TDRD12: variants seen among roughly 807,000 people sequenced by gnomAD.
TDRD12 encodes putative ATP-dependent RNA helicase TDRD12.
A neutral mutation model predicts 133.5 loss-of-function variants in TDRD12; 158 were observed. That is an observed-to-expected ratio of 1.18 (90% CI 1.04 to 1.35). The LOEUF is 1.35. TDRD12 is among the 40% of genes most tolerant of loss of function. The probability of loss-of-function intolerance (pLI) is 0.00; values close to 1 mark genes in which losing one functional copy is unlikely to be tolerated. For synonymous variants in TDRD12, 460 were observed against 477.9 expected (o/e 0.96, Z 0.49); for missense variants, 1,443 against 1,321.3 (o/e 1.09, Z -1.43).
intron 2 of TDRD12, among the ~76,000 whole-genome samples, chr19:32,733,371 G>A (rs1969119990): frequency 6.6e-6 from 1 of 151,836 alleles, no homozygotes; most frequent in South Asian, 2.1e-4. Flanking sequence ...TAGAGAGGCT[G>A]AGGCAAGAGA....
chr19:32,780,084 C>CTTTT (rs11395360), intron 11 of TDRD12, among the ~76,000 whole-genome samples: 8 of 127,768 alleles, frequency 6.3e-5, no homozygotes, highest in African/African-American at 8.8e-5. Context: ...TTTTTCTTTT[C>CTTTT]TTTTTTTTTT....
chr19:32,762,642 A>G (rs142804460), intron 8 of TDRD12, among the ~76,000 whole-genome samples: 4 of 152,330 alleles, frequency 2.6e-5, no homozygotes, highest in African/African-American at 9.6e-5. Flanking sequence ...CAGCGGGGCC[A>G]AGAAGGTGCT....
At chr19:32,785,638 A>G (rs112271756) in intron 11 of TDRD12, among the ~76,000 whole-genome samples, 16,276 of 151,336 alleles carry the variant, frequency 0.11, 1,091 homozygotes, top group Middle Eastern at 0.17. Flanking sequence ...TTATGAATCT[A>G]GTTAGCTCTT....
intron 4 of TDRD12, among the ~76,000 whole-genome samples, chr19:32,747,090 C>T (rs1969673811): frequency 6.7e-6 from 1 of 149,142 alleles, no homozygotes; most frequent in African/African-American, 2.5e-5. Flanking sequence ...GAGTGACTGG[C>T]TGATGGGGTT....
chr19:32,800,857 C>G (rs569004718), intron 18 of TDRD12, 85 bp downstream of exon 18: 2 of 1,340,984 alleles, frequency 1.5e-6, no homozygotes, highest in South Asian at 3.4e-5. Context: ...GGGTGGTTGA[C>G]TCTGTGGCAG....
At chr19:32,795,923 C>T (rs1324244598) in intron 14 of TDRD12, among the ~76,000 whole-genome samples, 1 of 152,158 alleles carries the variant, frequency 6.6e-6, no homozygotes, top group Admixed American at 6.5e-5. Context: ...ACAGTGCTAA[C>T]CCATTCATGA....
At chr19:32,823,665 C>G (rs1399119450), downstream of TDRD12, among the ~76,000 whole-genome samples, 1 of 152,188 alleles carries the variant, frequency 6.6e-6, no homozygotes, top group East Asian at 1.9e-4. Context: ...CGGGGGGCAG[C>G]TGGTTTCGCT....
At chr19:32,750,916 G>A (rs1359785218) in intron 6 of TDRD12, among the ~76,000 whole-genome samples, 1 of 152,236 alleles carries the variant, frequency 6.6e-6, no homozygotes, top group East Asian at 1.9e-4. Context: ...TATGACGTCA[G>A]TATGTCTAAT....
At chr19:32,781,071 T>C (rs908603451) in intron 11 of TDRD12, among the ~76,000 whole-genome samples, 4 of 151,820 alleles carry the variant, frequency 2.6e-5, no homozygotes, top group African/African-American at 7.2e-5. Context: ...GCCTCCCAAG[T>C]AGCTGGGGCT....
At chr19:32,737,851 G>T (rs1248171773) in intron 2 of TDRD12, among the ~76,000 whole-genome samples, 3 of 152,202 alleles carry the variant, frequency 2.0e-5, no homozygotes, top group Admixed American at 2.0e-4. Context: ...GTCATGGGGA[G>T]GCTGGGTGCG....
intron 2 of TDRD12, 44 bp downstream of exon 2, chr19:32,731,927 A>G: frequency 6.8e-7 from 1 of 1,466,810 alleles, no homozygotes; most frequent in East Asian, 2.5e-5. Context: ...TTGAAACACC[A>G]CTCAAAATAT....
At chr19:32,802,161 A>G (rs1971411000) in intron 19 of TDRD12, among the ~76,000 whole-genome samples, 2 of 142,500 alleles carry the variant, frequency 1.4e-5, no homozygotes, top group African/African-American at 5.3e-5. Context: ...ATATATATAT[A>G]TGATAATATA....
At chr19:32,748,729 A>G (rs1436663846) in intron 5 of TDRD12, among the ~76,000 whole-genome samples, 198 bp downstream of exon 5, 1 of 152,236 alleles carries the variant, frequency 6.6e-6, no homozygotes, top group East Asian at 1.9e-4. Context: ...GATGTCAGTA[A>G]TTGACAGCTG....
At chr19:32,816,743 A>G (rs1367974796) in intron 26 of TDRD12, among the ~76,000 whole-genome samples, 2 of 152,210 alleles carry the variant, frequency 1.3e-5, no homozygotes, top group Non-Finnish European at 2.9e-5. Context: ...AGAGACTGTG[A>G]CAGTCACTCC....
intron 8 of TDRD12, among the ~76,000 whole-genome samples, chr19:32,768,738 C>T (rs1006336833): frequency 1.3e-5 from 2 of 152,116 alleles, no homozygotes; most frequent in Non-Finnish European, 2.9e-5. Context: ...AGCTGTTTCT[C>T]AGCTCTTGAG....
rs548466939 is a variant in TDRD12 at position 32,762,610 on chromosome 19, G to C, written c.865+5480G>C. On this transcript the variant is annotated intron_variant, in intron 8 of 27. Transcript: ENST00000444215. ...TAGCTACCAGGTAAAACTGGTGTTG[G>C]GATTCTAGCAGTGCACCTCAACAGC... Among the ~76,000 whole-genome samples, 12 of 152,292 alleles carry C rather than the reference G, an allele frequency of 7.9e-5. No individual in the cohort carries two copies. In the South Asian group the frequency reaches 2.5e-3, roughly 32 times the overall value.
At chr19:32,802,111 T>C (rs890692372) in intron 19 of TDRD12, among the ~76,000 whole-genome samples, 1 of 148,354 alleles carries the variant, frequency 6.7e-6, no homozygotes, top group Non-Finnish European at 1.5e-5. Context: ...CCTAGAGTTA[T>C]AGCTTGAGGA....
chr19:32,802,964 T>C, exon 21 of TDRD12: 13 of 1,536,092 alleles, frequency 8.5e-6, no homozygotes, highest in Non-Finnish European at 1.0e-5. Flanking sequence ...CAAATCTGTC[T>C]TGCTGCTGAC....
intron 23 of TDRD12, among the ~76,000 whole-genome samples, chr19:32,810,588 T>C (rs114996941): frequency 5.3e-4 from 81 of 152,366 alleles, no homozygotes; most frequent in African/African-American, 1.9e-3. Context: ...AAAACAGCCT[T>C]GGCGATGTTA....
Sources: allele counts gnomAD v4.1 joint callset (sites outside exome capture counted in the v4.1 genomes callset), GRCh38; gene constraint gnomAD v4.1.1; transcripts MANE v1.5; gene names NCBI Gene and HGNC (gene_info 2026-07-23, HGNC 2026-07-21).